The following KIRREL1 variants were observed in gnomAD, a reference collection of about 807,000 sequenced individuals.
KIRREL1 encodes kin of IRRE-like protein 1.
KIRREL1 carries 25 observed loss-of-function variants against 83.3 expected under a neutral mutation model. That is an observed-to-expected ratio of 0.30 (90% CI 0.22 to 0.42). The LOEUF (loss-of-function observed/expected upper bound fraction) is 0.42. Ranked by LOEUF, KIRREL1 falls within the 10% of genes least tolerant of loss-of-function variation. The probability of loss-of-function intolerance (pLI) is 1.00; values close to 1 mark genes in which losing one functional copy is unlikely to be tolerated. For synonymous variants in KIRREL1, 388 were observed against 410.4 expected (o/e 0.95, Z 0.66); for missense variants, 812 against 1,032.3 (o/e 0.79, Z 2.92).
chr1:158,060,217 G>A (rs1037192986), intron 1 of KIRREL1, among the ~76,000 whole-genome samples: 3 of 152,142 alleles, frequency 2.0e-5, no homozygotes, highest in African/African-American at 7.2e-5. Context: ...TCTGCATCCT[G>A]CATTCCTGGG....
chr1:158,021,893 C>T (rs780241415), intron 1 of KIRREL1, among the ~76,000 whole-genome samples: 2 of 152,104 alleles, frequency 1.3e-5, no homozygotes, highest in Non-Finnish European at 2.9e-5. Flanking sequence ...ACTGAAGGGA[C>T]AGGAAATAAT....
intron 1 of KIRREL1, among the ~76,000 whole-genome samples, chr1:158,038,508 T>C (rs982871439): frequency 7.5e-6 from 1 of 132,598 alleles, no homozygotes; most frequent in Non-Finnish European, 1.6e-5. Context: ...TTTTTTTTTT[T>C]TGGAGGCAGG....
chr1:158,043,312 C>A (rs1660690245), intron 1 of KIRREL1, among the ~76,000 whole-genome samples: 1 of 152,132 alleles, frequency 6.6e-6, no homozygotes, highest in East Asian at 1.9e-4. Flanking sequence ...CCAGCCAGCA[C>A]CTCATTCCCC....
At chr1:158,056,483 C>T (rs774985164) in intron 1 of KIRREL1, among the ~76,000 whole-genome samples, 24 of 152,146 alleles carry the variant, frequency 1.6e-4, no homozygotes, top group Non-Finnish European at 2.8e-4. Flanking sequence ...TGCTCATGAC[C>T]AGGAGAGGCA....
chr1:158,089,046 T>A (rs978341698), intron 8 of KIRREL1, among the ~76,000 whole-genome samples: 22 of 151,588 alleles, frequency 1.5e-4, no homozygotes, highest in African/African-American at 4.6e-4. Flanking sequence ...GTGGTAAAGG[T>A]CTGGTAAATA....
intron 1 of KIRREL1, among the ~76,000 whole-genome samples, chr1:158,064,190 A>G (rs1661301652): frequency 6.6e-6 from 1 of 152,160 alleles, no homozygotes; most frequent in South Asian, 2.1e-4. Flanking sequence ...CTGGAAAAGG[A>G]GCCAAAATAA....
At chr1:158,046,632 G>C (rs940223972) in intron 1 of KIRREL1, among the ~76,000 whole-genome samples, 5 of 152,140 alleles carry the variant, frequency 3.3e-5, no homozygotes, top group African/African-American at 9.7e-5. Flanking sequence ...GAGCAGGCAA[G>C]AGAGGAGGAG....
chr1:157,993,821 C>A, intron 1 of KIRREL1, 93 bp downstream of exon 1: 1 of 825,482 alleles, frequency 1.2e-6, no homozygotes, highest in Non-Finnish European at 1.8e-6. Flanking sequence ...TGCCCCGCGG[C>A]CCGCGGCCAG....
At chr1:158,001,098 C>T (rs954791058) in intron 1 of KIRREL1, among the ~76,000 whole-genome samples, 9 of 152,206 alleles carry the variant, frequency 5.9e-5, no homozygotes, top group South Asian at 2.1e-4. Context: ...GCTTCAGAAT[C>T]GACTAGGCCA....
intron 1 of KIRREL1, among the ~76,000 whole-genome samples, chr1:157,999,948 GTGTTA>G (rs1659310098): frequency 6.6e-6 from 1 of 152,112 alleles, no homozygotes; most frequent in African/African-American, 2.4e-5. Context: ...TTGAAGTTAG[GTGTTA>G]TCCCCATTTT....
At chr1:158,016,519 C>T (rs2101645626) in intron 1 of KIRREL1, among the ~76,000 whole-genome samples, 1 of 152,186 alleles carries the variant, frequency 6.6e-6, no homozygotes, top group East Asian at 1.9e-4. Context: ...TAACACCCAG[C>T]CACTGATTTT....
intron 1 of KIRREL1, among the ~76,000 whole-genome samples, chr1:158,010,950 C>T (rs1459230736): frequency 1.3e-5 from 2 of 152,186 alleles, no homozygotes; most frequent in Non-Finnish European, 2.9e-5. Context: ...GAATTCCAGA[C>T]ATTTAAAATT....
chr1:158,086,694 G>A lies in KIRREL1; in HGVS notation c.609G>A (p.Met203Ile). 6.4e-7 allele frequency: 1 copy of A among 1,551,732 alleles called. No homozygotes were observed. The change falls in exon 5 of 15, where the codon ATG becomes ATA. Residue 203 changes from methionine (M) to isoleucine (I), a missense_variant. Physicochemically the swap from Met to Ile is conservative, Grantham distance 10. This residue lies in a region of KIRREL1 where 472 missense variants were observed against 626.8 expected (regional missense o/e 0.75). Coordinates refer to ENST00000359209, the MANE Select transcript of KIRREL1 (RefSeq NM_018240.7). Reference sequence around the variant, plus strand: ...GGCGTGTCTTCACTTGCCGAAGCATGAACGAAGCCATCCCTAGTGGCAAGG... The same window carrying A: ...GGCGTGTCTTCACTTGCCGAAGCATAAACGAAGCCATCCCTAGTGGCAAGG... Reference protein sequence around the residue: ...DIGRVFTCRSMNEAIPSGKET... With the variant: ...DIGRVFTCRSINEAIPSGKET...
Position 158,096,029 on chromosome 1 carries a change from G to C in KIRREL1, c.*909G>C, listed in dbSNP as rs1458564672. On this transcript the variant is annotated 3_prime_UTR_variant, in exon 15 of 15. Transcript: ENST00000359209. Reference sequence around the variant, plus strand: ...TGGGGAGTGGTGAGGTAGGGGTGGGGGTGCTGTAGGCTCTTTTTCAAAGAA... The same window carrying C: ...TGGGGAGTGGTGAGGTAGGGGTGGGCGTGCTGTAGGCTCTTTTTCAAAGAA... 6.4e-6 allele frequency: 1 copy of C among 155,926 alleles called. No individual in the cohort carries two copies. Among genetic ancestry groups the C allele is most frequent in the African/African-American group, 2.4e-5 (1 of 41,428 alleles). The allele number at this position is 155,926 out of a possible 1,614,324, so 9.7% of individuals were successfully genotyped here. A position where few individuals can be genotyped will look rare whatever the true frequency, so the allele number is the denominator to read the frequency against.
rs542691653 is a variant in KIRREL1 at position 158,079,149 on chromosome 1, T to C, written c.352+1009T>C. 1.7e-3 allele frequency among the ~76,000 whole-genome samples: 261 copies of C among 152,238 alleles called. 2 individuals carry two copies. Among genetic ancestry groups the C allele is most frequent in the African/African-American group, 6.1e-3 (254 of 41,546 alleles). ...TCCCTATTTACATTGACTCTGTCCC[T>C]TTTTTTTCTGCCTCCATTTGATATG... On this transcript the variant is annotated intron_variant, in intron 3 of 14. Transcript: ENST00000359209.
In KIRREL1 at chr1:158,099,718, T is replaced by C. The variant is rs1662443863; in HGVS notation, c.*4598T>C. 6.6e-6 allele frequency: 1 copy of C among 152,212 alleles called. No individual in the cohort carries two copies. Among genetic ancestry groups the C allele is most frequent in the South Asian group, 2.1e-4 (1 of 4,834 alleles). The allele number at this position is 152,212 out of a possible 1,614,324, so 9.4% of individuals were successfully genotyped here. A position where few individuals can be genotyped will look rare whatever the true frequency, so the allele number is the denominator to read the frequency against. Reference sequence around the variant, plus strand: ...CAGTCTGCTGTCCCTACCCTGGTTTTTTGCTGGCCCCAACCACTGGCCTTG... The same window carrying C: ...CAGTCTGCTGTCCCTACCCTGGTTTCTTGCTGGCCCCAACCACTGGCCTTG... On this transcript the variant is annotated 3_prime_UTR_variant, in exon 15 of 15. Coordinates refer to ENST00000359209, the MANE Select transcript of KIRREL1 (RefSeq NM_018240.7).
chr1:158,029,154 C>T lies in KIRREL1; in HGVS notation c.52+35426C>T, dbSNP rs141367594. Among the ~76,000 whole-genome samples, 6 of 152,216 alleles carry T rather than the reference C, an allele frequency of 3.9e-5. No homozygotes were observed. In the East Asian group the frequency reaches 1.2e-3, roughly 29 times the overall value. ...ATGTACAGCAGAATGAAAACAATAA[C>T]CTATCGTGAATCAACAGCAAAGTAT... On this transcript the variant is annotated intron_variant, in intron 1 of 14. Transcript: ENST00000359209.
rs1034529873 is a variant in KIRREL1, at chr1:158,096,763, C to T, written c.*1643C>T. ...ACCTGTACCCCTGCCCCAGCCTCGC[C>T]TTCCTAAAAAGCAGTGTCTGGAGTT... On this transcript the variant is annotated 3_prime_UTR_variant, in exon 15 of 15. Coordinates refer to ENST00000359209, the MANE Select transcript of KIRREL1 (RefSeq NM_018240.7). The T allele has an allele frequency of 2.2e-6, 1 of 456,606 alleles. No homozygotes were observed. Among genetic ancestry groups the T allele is most frequent in the African/African-American group, 2.0e-5 (1 of 50,078 alleles). 28.3% of individuals were successfully genotyped at this position (456,606 alleles called of 1,614,324 possible). A position where few individuals can be genotyped will look rare whatever the true frequency, so the allele number is the denominator to read the frequency against.
At chr1:158,016,600 C>T (rs1474321376) in intron 1 of KIRREL1, among the ~76,000 whole-genome samples, 2 of 151,980 alleles carry the variant, frequency 1.3e-5, no homozygotes, top group African/African-American at 4.8e-5. Context: ...ATCAGATTTG[C>T]CTTGCTTATT....
Sources: gnomAD v4.1 joint callset for allele counts (sites outside exome capture counted in the v4.1 genomes callset) on GRCh38, gnomAD v4.1.1 for gene constraint, gnomAD v4.1.1 regional missense constraint, MANE v1.5 for transcripts, NCBI Gene and HGNC (gene_info 2026-07-23, HGNC 2026-07-21) for gene names.